Variants in FAM133B observed in about 807,000 individuals in gnomAD.
FAM133B encodes the protein protein FAM133B.
A neutral mutation model predicts 46.4 loss-of-function variants in FAM133B; 25 were observed. The ratio of observed to expected loss-of-function variants is 0.54; its 90% confidence interval spans 0.39 to 0.75. FAM133B has a LOEUF of 0.75. FAM133B is among the 30% of genes least tolerant of loss of function. The pLI, the probability that FAM133B is intolerant of heterozygous loss-of-function variation, is 0.00. For missense variants in FAM133B, 205 were observed against 277.6 expected (o/e 0.74, Z 1.86); for synonymous variants, 75 against 86.0 (o/e 0.87, Z 0.71).
intron 3 of FAM133B, 57 bp from the exon 4 acceptor site, chr7:92,578,450 T>C: frequency 4.1e-6 from 6 of 1,447,350 alleles, no homozygotes; most frequent in Non-Finnish European, 5.8e-6. Context: ...ATACACCTAA[T>C]ATACAGAGAC....
At chr7:92,564,888 T>C (rs991646071) in intron 10 of FAM133B, among the ~76,000 whole-genome samples, 11 of 152,224 alleles carry the variant, frequency 7.2e-5, no homozygotes, top group South Asian at 2.1e-4. Context: ...GCCTCTTCTT[T>C]CTCTTTTCTT....
chr7:92,588,500 C>G (rs1010349732), intron 1 of FAM133B, among the ~76,000 whole-genome samples: 3 of 152,154 alleles, frequency 2.0e-5, no homozygotes, highest in Non-Finnish European at 4.4e-5. Flanking sequence ...AAAGTCTCAC[C>G]TACAGCCAGG....
intron 1 of FAM133B, 135 bp downstream of exon 1, chr7:92,590,133 G>A (rs1795156110): frequency 2.3e-6 from 3 of 1,327,662 alleles, no homozygotes; most frequent in African/African-American, 1.5e-5. Flanking sequence ...GGGATCGGCG[G>A]AGGGTGCTGG....
chr7:92,590,338 G>GAGAGACTGCCGA lies in FAM133B; in HGVS notation c.-59_-48dup. 3 of 1,612,720 alleles carry GAGAGACTGCCGA rather than the reference G, an allele frequency of 1.9e-6. No homozygotes were observed. The highest frequency in any genetic ancestry group is 2.5e-6 in the Non-Finnish European group (3 of 1,179,478). ...TAGCACGCCGAGGGAAACCGGGCCG[G>GAGAGACTGCCGA]AGAGACTGCCGAAGAGGGCCTGCCG... is the stretch of plus-strand genomic sequence containing the variant. On this transcript the variant is annotated 5_prime_UTR_variant, in exon 1 of 11. Coordinates refer to ENST00000445716, the MANE Select transcript of FAM133B (RefSeq NM_152789.4).
At chr7:92,589,432 T>G (rs1347934495) in intron 1 of FAM133B, among the ~76,000 whole-genome samples, 1 of 152,230 alleles carries the variant, frequency 6.6e-6, no homozygotes, top group African/African-American at 2.4e-5. Context: ...TATTTATGCA[T>G]CTCTTTTATC....
At chr7:92,582,684 G>C (rs1219147950) in intron 1 of FAM133B, among the ~76,000 whole-genome samples, 1 of 152,012 alleles carries the variant, frequency 6.6e-6, no homozygotes, top group Non-Finnish European at 1.5e-5. Flanking sequence ...CAGAAGAATA[G>C]GTATTTCTCT....
intron 4 of FAM133B, 60 bp downstream of exon 4, chr7:92,578,259 C>T (rs1794761601): frequency 3.8e-6 from 6 of 1,599,504 alleles, no homozygotes; most frequent in Non-Finnish European, 5.1e-6. Flanking sequence ...TAGTATACAG[C>T]ATTATTATGA....
intron 2 of FAM133B, among the ~76,000 whole-genome samples, chr7:92,580,481 A>T (rs77096344): frequency 1.3e-5 from 2 of 152,152 alleles, no homozygotes; most frequent in African/African-American, 4.8e-5. Context: ...ATGAGCTTCA[A>T]TTGGTTGCCA....
At chr7:92,570,411 G>GT (rs1185337970) in intron 8 of FAM133B, among the ~76,000 whole-genome samples, 1 of 152,068 alleles carries the variant, frequency 6.6e-6, no homozygotes, top group African/African-American at 2.4e-5. Flanking sequence ...TGTTGAAAAA[G>GT]TGAGTAACTC....
chr7:92,565,385 A>C (rs1481521103), intron 10 of FAM133B: 1 of 150,274 alleles, frequency 6.7e-6, no homozygotes, highest in Non-Finnish European at 1.5e-5. Context: ...TGAACTCCTG[A>C]CCTTGCAATC....
intron 1 of FAM133B, 133 bp downstream of exon 1, chr7:92,590,135 G>A (rs1795156342): frequency 3.7e-6 from 5 of 1,341,942 alleles, no homozygotes; most frequent in South Asian, 1.3e-5. Context: ...GATCGGCGGA[G>A]GGTGCTGGGT....
At chr7:92,589,537 G>A (rs911585838) in intron 1 of FAM133B, among the ~76,000 whole-genome samples, 3 of 152,120 alleles carry the variant, frequency 2.0e-5, no homozygotes, top group African/African-American at 7.2e-5. Context: ...AGATAATAAT[G>A]ATCCCCTTTT....
intron 10 of FAM133B, among the ~76,000 whole-genome samples, chr7:92,564,209 G>A (rs184765996): frequency 3.5e-4 from 53 of 152,240 alleles, no homozygotes; most frequent in Admixed American, 1.6e-3. Flanking sequence ...CCTCTGCCTA[G>A]GATATTCTTT....
chr7:92,581,486 G>C lies in FAM133B; in HGVS notation c.122+20C>G. 2 of 1,588,292 alleles carry C rather than the reference G, an allele frequency of 1.3e-6. No homozygotes were observed. Among genetic ancestry groups the C allele is most frequent in the Admixed American group, 3.4e-5 (2 of 59,582 alleles). ...AAAGTTGATAAAAGCTTATAAATAG[G>C]TAAAGTGTTTCACAAATACCAGGTA... On this transcript the variant is annotated intron_variant, in intron 2 of 10. Coordinates refer to ENST00000445716, the MANE Select transcript of FAM133B (RefSeq NM_152789.4).
intron 1 of FAM133B, among the ~76,000 whole-genome samples, chr7:92,582,258 A>AACAAC (rs1794902367): frequency 6.8e-6 from 1 of 147,846 alleles, no homozygotes; most frequent in African/African-American, 2.6e-5. Context: ...AAATAAAATA[A>AACAAC]ATAACATAAC....
intron 3 of FAM133B, among the ~76,000 whole-genome samples, chr7:92,578,758 CA>C (rs1201701188): frequency 2.6e-5 from 4 of 152,116 alleles, no homozygotes; most frequent in Non-Finnish European, 5.9e-5. Context: ...TCAAAACAAG[CA>C]AACAGGCTGG....
rs559209466 is a variant in FAM133B, at chr7:92,589,944, G to T, written c.24+324C>A. The T allele has an allele frequency of 6.6e-4, 263 of 399,938 alleles. 1 individual carries two copies. The highest frequency in any genetic ancestry group is 2.2e-3 in the South Asian group (73 of 32,754). The allele number at this position is 399,938 out of a possible 1,614,324, so 24.8% of individuals were successfully genotyped here. A position where few individuals can be genotyped will look rare whatever the true frequency, so the allele number is the denominator to read the frequency against. On this transcript the variant is annotated intron_variant, in intron 1 of 10. Transcript: ENST00000445716. The stretch of plus-strand genomic sequence containing the variant: ...GGAGTTACATGGCGGGGCCAGGTGT[G>T]GGGGGGGTTCCCCGAGCCCTCGCGG...
At chr7:92,588,508 A>G (rs1289280491) in intron 1 of FAM133B, among the ~76,000 whole-genome samples, 1 of 152,218 alleles carries the variant, frequency 6.6e-6, no homozygotes, top group Non-Finnish European at 1.5e-5. Flanking sequence ...ACCTACAGCC[A>G]GGAGAAAGAA....
chr7:92,568,830 G>C (rs1370572665), intron 9 of FAM133B, among the ~76,000 whole-genome samples: 1 of 152,084 alleles, frequency 6.6e-6, no homozygotes, highest in Non-Finnish European at 1.5e-5. Flanking sequence ...TCAAACTCCA[G>C]GGCTCAAGCA....
Sources: allele counts gnomAD v4.1 joint callset (sites outside exome capture counted in the v4.1 genomes callset), GRCh38; gene constraint gnomAD v4.1.1; transcripts MANE v1.5; gene names NCBI Gene and HGNC (gene_info 2026-07-23, HGNC 2026-07-21).